The following LRRC8D variants were observed in gnomAD, a reference collection of about 807,000 sequenced individuals.
LRRC8D encodes leucine rich repeat containing 8 VRAC subunit D.
LRRC8D carries 20 observed loss-of-function variants against 55.8 expected under a neutral mutation model. That is an observed-to-expected ratio of 0.36 (90% CI 0.25 to 0.52). The LOEUF (loss-of-function observed/expected upper bound fraction) is 0.52, where lower values mean the gene tolerates loss of function less well. Ranked by LOEUF, LRRC8D falls within the 20% of genes least tolerant of loss-of-function variation. The pLI is 0.93. For missense variants in LRRC8D, 651 were observed against 1,030.8 expected (o/e 0.63, Z 5.05); for synonymous variants, 352 against 377.0 (o/e 0.93, Z 0.77).
intron 2 of LRRC8D, among the ~76,000 whole-genome samples, chr1:89,884,376 G>C (rs1313132476): frequency 1.3e-5 from 2 of 152,200 alleles, no homozygotes; most frequent in Non-Finnish European, 2.9e-5. Flanking sequence ...CCTAACATCT[G>C]TTCAGCACTT....
rs1557455351 is a variant in LRRC8D at position 89,860,788 on chromosome 1, ATATATAT to A, written c.-3+17007_-3+17013del. ...AAAAAAAAAAAAAAAAAAAAAAAATATATATATATATATATATATATACACACACAGA... is the reference window on the plus strand; with the variant it reads ...AAAAAAAAAAAAAAAAAAAAAAAATAATATATATATATATACACACACAGA... On this transcript the variant is annotated intron_variant, in intron 2 of 2. Coordinates refer to ENST00000337338, the MANE Select transcript of LRRC8D (RefSeq NM_001134479.2). Among the ~76,000 whole-genome samples, 743 of 85,822 alleles carry A rather than the reference ATATATAT, an allele frequency of 8.7e-3. 17 individuals carry two copies. The highest frequency in any genetic ancestry group is 0.014 in the Non-Finnish European group (600 of 44,222). The allele number at this position is 85,822 out of a possible 152,430, so 56.3% of individuals were successfully genotyped here. A position where few individuals can be genotyped will look rare whatever the true frequency, so the allele number is the denominator to read the frequency against.
chr1:89,888,966 C>T (rs575278954), intron 2 of LRRC8D, among the ~76,000 whole-genome samples: 57 of 152,170 alleles, frequency 3.7e-4, no homozygotes, highest in South Asian at 1.5e-3. Context: ...GTAGGTATTC[C>T]ACTCTCAAAG....
chr1:89,829,841 A>C (rs1638486179), intron 1 of LRRC8D, among the ~76,000 whole-genome samples: 1 of 152,234 alleles, frequency 6.6e-6, no homozygotes, highest in Admixed American at 6.5e-5. Context: ...TGTTTTCTCT[A>C]GCCCTGTTCT....
intron 2 of LRRC8D, among the ~76,000 whole-genome samples, chr1:89,885,182 C>G (rs555717506): frequency 6.6e-6 from 1 of 152,284 alleles, no homozygotes; most frequent in South Asian, 2.1e-4. Context: ...AAATCTTACC[C>G]TTTGACTTTA....
chr1:89,870,793 G>A (rs573907254), intron 2 of LRRC8D, among the ~76,000 whole-genome samples: 11 of 152,278 alleles, frequency 7.2e-5, no homozygotes, highest in African/African-American at 2.6e-4. Context: ...ACACATGTAG[G>A]AGGCAGTGAC....
At chr1:89,859,412 T>C (rs1161588601) in intron 2 of LRRC8D, among the ~76,000 whole-genome samples, 2 of 152,226 alleles carry the variant, frequency 1.3e-5, no homozygotes, top group Non-Finnish European at 1.5e-5. Context: ...CTGCTGACAT[T>C]GCACCCTTTC....
intron 2 of LRRC8D, among the ~76,000 whole-genome samples, chr1:89,893,405 CT>C (rs1421306109): frequency 2.0e-5 from 3 of 152,168 alleles, no homozygotes; most frequent in Non-Finnish European, 4.4e-5. Context: ...TAGAAAGCAT[CT>C]AACTTCATGC....
chr1:89,918,735 G>A lies in LRRC8D; in HGVS notation c.-2-14332G>A, dbSNP rs368270036. On this transcript the variant is annotated intron_variant, in intron 2 of 2. Coordinates refer to ENST00000337338, the MANE Select transcript of LRRC8D (RefSeq NM_001134479.2). ...CAAACTACATGCAGGTGGTCTATCC[G>A]AATGAGTTAGCATCAGAATGACCTG... Among the ~76,000 whole-genome samples, 8 of 152,308 alleles carry A rather than the reference G, an allele frequency of 5.3e-5. No individual in the cohort carries two copies. The South Asian group carries it at 1.2e-3, about 24-fold the overall frequency.
At position 89,831,020 on chromosome 1, in the gene LRRC8D, C is replaced by T. The variant is rs147302586; in HGVS notation, c.-148+9729C>T. 4.3e-4 allele frequency among the ~76,000 whole-genome samples: 66 copies of T among 151,742 alleles called. No homozygotes were observed. In the East Asian group the frequency reaches 0.013, roughly 29 times the overall value. On this transcript the variant is annotated intron_variant, in intron 1 of 2. Transcript: ENST00000337338. ...TCCCGGGTTCAAGCGATTCTCCTAC[C>T]TCAGCCTCCTGAGTAGCTGGGATTA...
rs763416530 is a variant in LRRC8D, at chr1:89,934,167, A to G, written c.1099A>G (p.Ile367Val). ...NMAYMLKKLL[I>V]SYISIICVYG... is the part of the protein sequence containing the mutation. ...GGCTTACATGTTGAAAAAGCTTCTC[A>G]TCAGTTACATATCCATTATTTGTGT... is the stretch of plus-strand genomic sequence containing the variant. Residue 367 changes from isoleucine to valine, a missense_variant, in exon 3 of 3, where the codon ATC (isoleucine) becomes GTC (valine). Around this residue, in one of 5 missense-constraint regions of LRRC8D, gnomAD observed 178 missense variants for 374.9 expected, o/e 0.47. Coordinates refer to ENST00000337338, the MANE Select transcript of LRRC8D (RefSeq NM_001134479.2). The surrounding 1 kb of genome is among the most constrained non-coding windows in gnomAD (Gnocchi z 5.9). 2 of 1,614,122 alleles carry G rather than the reference A, an allele frequency of 1.2e-6. No individual in the cohort carries two copies. Among genetic ancestry groups the G allele is most frequent in the Non-Finnish European group, 8.5e-7 (1 of 1,179,970 alleles).
chr1:89,853,611 A>G (rs527272846), intron 2 of LRRC8D, among the ~76,000 whole-genome samples: 1 of 152,236 alleles, frequency 6.6e-6, no homozygotes, highest in Non-Finnish European at 1.5e-5. Flanking sequence ...TGTCTTTTAC[A>G]GACAGGGTGT....
intron 2 of LRRC8D, among the ~76,000 whole-genome samples, chr1:89,912,616 G>A (rs926224942): frequency 2.0e-5 from 3 of 151,910 alleles, no homozygotes; most frequent in African/African-American, 7.3e-5. Context: ...CTCCTTAATT[G>A]TCTGGTGCAT....
intron 2 of LRRC8D, among the ~76,000 whole-genome samples, chr1:89,880,949 T>C (rs1299013864): frequency 2.0e-5 from 3 of 152,266 alleles, no homozygotes; most frequent in South Asian, 2.1e-4. Flanking sequence ...AATCTAAAGC[T>C]CATCACTCTA....
At chr1:89,834,425 G>C (rs546262625) in intron 1 of LRRC8D, among the ~76,000 whole-genome samples, 1 of 152,160 alleles carries the variant, frequency 6.6e-6, no homozygotes, top group African/African-American at 2.4e-5. Flanking sequence ...GGTGTCATTG[G>C]TGTTCCATTT....
At chr1:89,874,295 T>C (rs1662095175) in intron 2 of LRRC8D, among the ~76,000 whole-genome samples, 1 of 152,212 alleles carries the variant, frequency 6.6e-6, no homozygotes, top group South Asian at 2.1e-4. Flanking sequence ...GCTGTGGTGC[T>C]GCCAGAAGCT....
At chr1:89,822,679 C>A (rs976760729) in intron 1 of LRRC8D, among the ~76,000 whole-genome samples, 3 of 152,122 alleles carry the variant, frequency 2.0e-5, no homozygotes, top group African/African-American at 7.2e-5. Context: ...CCTCCCAGTG[C>A]CAAGAATGAG....
chr1:89,837,402 TGTATTTA>T (rs1661025756), intron 1 of LRRC8D, among the ~76,000 whole-genome samples: 1 of 152,214 alleles, frequency 6.6e-6, no homozygotes, highest in Non-Finnish European at 1.5e-5. Flanking sequence ...TTTCTTCTGC[TGTATTTA>T]TGGCACTGTA....
At chr1:89,901,005 C>CTCTA (rs1329404657) in intron 2 of LRRC8D, among the ~76,000 whole-genome samples, 1 of 152,188 alleles carries the variant, frequency 6.6e-6, no homozygotes, top group East Asian at 1.9e-4. Context: ...ATCAAGTGTA[C>CTCTA]TCTACAGCAT....
chr1:89,824,100 C>G (rs1426591573), intron 1 of LRRC8D, among the ~76,000 whole-genome samples: 1 of 152,142 alleles, frequency 6.6e-6, no homozygotes, highest in Non-Finnish European at 1.5e-5. Flanking sequence ...CTGCTGTCAT[C>G]TAGTGGCTAG....
Sources: allele counts gnomAD v4.1 joint callset (sites outside exome capture counted in the v4.1 genomes callset), GRCh38; gene constraint gnomAD v4.1.1; regional missense constraint gnomAD v4.1.1; non-coding constraint Gnocchi (gnomAD v3.1); transcripts MANE v1.5; gene names NCBI Gene and HGNC (gene_info 2026-07-23, HGNC 2026-07-21).